Variants in ANKRD44 observed in about 807,000 individuals in gnomAD.
ANKRD44 encodes ankyrin repeat domain 44, also known as serine/threonine-protein phosphatase 6 regulatory ankyrin repeat subunit B.
ANKRD44 carries 35 observed loss-of-function variants against 116.0 expected under a neutral mutation model. The ratio of observed to expected loss-of-function variants is 0.30; its 90% CI spans 0.23 to 0.40. The LOEUF is 0.40. Among genes scored for constraint, ANKRD44 ranks in the 10% least tolerant of loss-of-function variants. The probability of loss-of-function intolerance (pLI) is 1.00; values close to 1 mark genes in which losing one functional copy is unlikely to be tolerated. For missense variants in ANKRD44, 1,014 were observed against 1,242.6 expected (o/e 0.82, Z 2.77); for synonymous variants, 435 against 461.8 (o/e 0.94, Z 0.74).
chr2:197,078,584 C>T, intron 16 of ANKRD44, 119 bp downstream of exon 16: 1 of 1,530,916 alleles, frequency 6.5e-7, no homozygotes, highest in Non-Finnish European at 8.8e-7. Context: ...AATCCTGATT[C>T]ATGGACCCAC....
At chr2:197,007,965 A>C in intron 19 of ANKRD44, 42 bp from the exon 20 acceptor site, 1 of 1,388,816 alleles carries the variant, frequency 7.2e-7, no homozygotes, top group Non-Finnish European at 1.0e-6. Flanking sequence ...AGGAGATTTA[A>C]AAAAATATTC....
intron 16 of ANKRD44, among the ~76,000 whole-genome samples, chr2:197,065,643 A>G (rs992857450): frequency 6.6e-6 from 1 of 152,244 alleles, no homozygotes; most frequent in African/African-American, 2.4e-5. Flanking sequence ...ACAGAAATAC[A>G]AACTATCATC....
intron 1 of ANKRD44, among the ~76,000 whole-genome samples, chr2:197,196,457 A>T (rs2080951197): frequency 6.6e-6 from 1 of 152,254 alleles, no homozygotes; most frequent in South Asian, 2.1e-4. Context: ...GCAGAAAATG[A>T]TCCATAACTA....
intron 1 of ANKRD44, among the ~76,000 whole-genome samples, chr2:197,284,043 A>G (rs12619296): frequency 0.55 from 83,453 of 152,040 alleles, 23,792 homozygotes; most frequent in East Asian, 0.7. Flanking sequence ...TCTATCTATG[A>G]ATAGGGTGCT....
chr2:197,063,532 C>T (rs901424108), intron 16 of ANKRD44, among the ~76,000 whole-genome samples: 7 of 152,106 alleles, frequency 4.6e-5, no homozygotes, highest in African/African-American at 7.2e-5. Flanking sequence ...TCGAACCCAT[C>T]GCAAAGAAGC....
chr2:196,996,543 T>G (rs2076014770), intron 25 of ANKRD44, among the ~76,000 whole-genome samples: 1 of 152,188 alleles, frequency 6.6e-6, no homozygotes, highest in South Asian at 2.1e-4. Flanking sequence ...CATGGAGGTT[T>G]CATTCTGAGG....
At chr2:196,998,502 C>T (rs1574243701) in intron 24 of ANKRD44, 83 bp from the exon 25 acceptor site, 1 of 953,712 alleles carries the variant, frequency 1.0e-6, no homozygotes, top group South Asian at 1.4e-5. Context: ...AACACAATAA[C>T]ATATTTAAAT....
At chr2:197,310,403 G>A (rs886622688) in intron 1 of ANKRD44, among the ~76,000 whole-genome samples, 175 bp downstream of exon 1, 7 of 147,300 alleles carry the variant, frequency 4.8e-5, no homozygotes, top group African/African-American at 1.7e-4. Flanking sequence ...GGACGGCGCG[G>A]CGGAGGGGAG....
intron 16 of ANKRD44, among the ~76,000 whole-genome samples, chr2:197,039,432 G>A (rs879423824): frequency 3.3e-5 from 5 of 152,142 alleles, no homozygotes; most frequent in African/African-American, 7.2e-5. Flanking sequence ...GGCAGTAATC[G>A]TTGCAAGGAA....
At chr2:197,050,201 C>T (rs890549306) in intron 16 of ANKRD44, among the ~76,000 whole-genome samples, 3 of 152,064 alleles carry the variant, frequency 2.0e-5, no homozygotes, top group South Asian at 4.2e-4. Flanking sequence ...TAAGAACACC[C>T]TCACTATCAC....
chr2:197,074,910 T>C (rs375048992), intron 16 of ANKRD44, among the ~76,000 whole-genome samples: 1 of 152,146 alleles, frequency 6.6e-6, no homozygotes, highest in African/African-American at 2.4e-5. Context: ...ATAATTTTAG[T>C]GTTGAGTTGC....
chr2:197,276,725 T>C (rs1453869816), intron 1 of ANKRD44, among the ~76,000 whole-genome samples: 2 of 152,178 alleles, frequency 1.3e-5, no homozygotes, highest in Non-Finnish European at 2.9e-5. Context: ...GAGTTTCCAT[T>C]TCAGGAAGAG....
chr2:197,078,848 A>G, intron 15 of ANKRD44, 34 bp from the exon 16 acceptor site: 14 of 1,600,422 alleles, frequency 8.7e-6, no homozygotes, highest in Non-Finnish European at 1.1e-5. Flanking sequence ...TATTTTAGAA[A>G]ACATCTCTGG....
intron 1 of ANKRD44, among the ~76,000 whole-genome samples, chr2:197,284,634 C>A (rs2083358151): frequency 6.6e-6 from 1 of 151,686 alleles, no homozygotes; most frequent in East Asian, 1.9e-4. Context: ...GCCTATAATC[C>A]CAAAACTCTG....
At chr2:197,002,205 T>C (rs995974640) in intron 21 of ANKRD44, among the ~76,000 whole-genome samples, 4 of 152,200 alleles carry the variant, frequency 2.6e-5, no homozygotes, top group African/African-American at 9.7e-5. Flanking sequence ...CTTTCACCCA[T>C]ACAAATACTT....
chr2:197,196,956 C>A (rs933528281), intron 1 of ANKRD44, among the ~76,000 whole-genome samples: 8 of 146,874 alleles, frequency 5.4e-5, no homozygotes, highest in Non-Finnish European at 1.2e-4. Context: ...CTGTTCTGGC[C>A]ATTGTCAATT....
intron 1 of ANKRD44, among the ~76,000 whole-genome samples, chr2:197,208,512 G>A (rs1266553755): frequency 6.6e-6 from 1 of 152,124 alleles, no homozygotes; most frequent in Non-Finnish European, 1.5e-5. Flanking sequence ...AGCTTTCTTG[G>A]CCAGAAGCAG....
chr2:197,284,300 C>G (rs975521473), intron 1 of ANKRD44, among the ~76,000 whole-genome samples: 2 of 152,138 alleles, frequency 1.3e-5, no homozygotes, highest in African/African-American at 4.8e-5. Flanking sequence ...GCTGCATTCC[C>G]TATCATCCCT....
chr2:197,087,838 G>C (rs1187338613), intron 12 of ANKRD44, among the ~76,000 whole-genome samples: 1 of 152,032 alleles, frequency 6.6e-6, no homozygotes, highest in Non-Finnish European at 1.5e-5. Flanking sequence ...TGGGGGCTGA[G>C]GTAGGGGGAA....
Sources: gnomAD v4.1 joint callset for allele counts (sites outside exome capture counted in the v4.1 genomes callset) on GRCh38, gnomAD v4.1.1 for gene constraint, MANE v1.5 for transcripts, NCBI Gene and HGNC (gene_info 2026-07-23, HGNC 2026-07-21) for gene names.